The following CHD9 variants were observed in gnomAD, a reference collection of about 807,000 sequenced individuals.
CHD9 encodes ATP-dependent chromatin remodeler CHD9.
CHD9 carries 77 observed loss-of-function variants against 316.1 expected under a neutral mutation model. The ratio of observed to expected loss-of-function variants is 0.24; its 90% CI spans 0.20 to 0.29. The LOEUF (loss-of-function observed/expected upper bound fraction) is 0.29, where lower values mean the gene tolerates loss of function less well. Ranked by LOEUF, CHD9 falls within the 10% of genes least tolerant of loss-of-function variation. The probability of loss-of-function intolerance (pLI) is 1.00; values close to 1 mark genes in which losing one functional copy is unlikely to be tolerated. For missense variants in CHD9, 2,763 were observed against 3,438.1 expected, an observed-to-expected ratio of 0.80 and a Z score of 4.91; for synonymous variants, 1,129 against 1,158.3, an observed-to-expected ratio of 0.97 and a Z score of 0.51.
intron 38 of CHD9, among the ~76,000 whole-genome samples, chr16:53,322,794 T>C (rs1008227343): frequency 6.6e-6 from 1 of 152,116 alleles, no homozygotes; most frequent in Non-Finnish European, 1.5e-5. Flanking sequence ...TCTATTTTTT[T>C]TGTTTCAGAA....
At chr16:53,065,567 G>A (rs1481656806) in intron 1 of CHD9, among the ~76,000 whole-genome samples, 1 of 146,202 alleles carries the variant, frequency 6.8e-6, no homozygotes, top group East Asian at 2.1e-4. Context: ...CTGGGAGATT[G>A]AAGCTGCAGT....
At chr16:53,176,857 G>A (rs933877093) in intron 2 of CHD9, among the ~76,000 whole-genome samples, 2 of 152,196 alleles carry the variant, frequency 1.3e-5, no homozygotes, top group Admixed American at 6.5e-5. Context: ...CCATCCTGGT[G>A]CTTTGTGCCA....
intron 2 of CHD9, among the ~76,000 whole-genome samples, chr16:53,169,752 A>G (rs1018066316): frequency 6.6e-6 from 1 of 152,192 alleles, no homozygotes; most frequent in Non-Finnish European, 1.5e-5. Flanking sequence ...GACTTTTACC[A>G]CAACCAAGAA....
At chr16:53,093,389 G>C (rs995775918) in intron 1 of CHD9, among the ~76,000 whole-genome samples, 1 of 152,202 alleles carries the variant, frequency 6.6e-6, no homozygotes, top group African/African-American at 2.4e-5. Context: ...AGCACTATGC[G>C]TGGCACATAG....
chr16:53,059,995 A>C (rs1265656771), intron 1 of CHD9, among the ~76,000 whole-genome samples: 1 of 152,202 alleles, frequency 6.6e-6, no homozygotes, highest in East Asian at 1.9e-4. Context: ...AATTTCACAT[A>C]ATTTTTCTGT....
intron 29 of CHD9, among the ~76,000 whole-genome samples, chr16:53,295,536 G>A (rs769051751): frequency 1.3e-5 from 2 of 152,172 alleles, no homozygotes; most frequent in Non-Finnish European, 2.9e-5. Context: ...ATAAGATATT[G>A]TAATGAAATT....
At chr16:53,145,803 C>T (rs12051414) in intron 1 of CHD9, among the ~76,000 whole-genome samples, 3 of 152,018 alleles carry the variant, frequency 2.0e-5, no homozygotes, top group African/African-American at 7.2e-5. Flanking sequence ...AAGCTAGATT[C>T]TATAGCAGAG....
In CHD9 at chr16:53,314,805, T is replaced by G; in HGVS notation, c.7363-18T>G. The G allele has an allele frequency of 6.7e-7, 1 of 1,502,238 alleles. No homozygotes were observed. Among genetic ancestry groups the G allele is most frequent in the Non-Finnish European group, 9.2e-7 (1 of 1,088,756 alleles). The allele number at this position is 1,502,238 out of a possible 1,614,324, so 93.1% of individuals were successfully genotyped here. Reference sequence around the variant, plus strand: ...ATAAAGTATGAAAATAAAGATACCATTTGGTGTTTTTTTACAGGTTTCTTT... The same window carrying G: ...ATAAAGTATGAAAATAAAGATACCAGTTGGTGTTTTTTTACAGGTTTCTTT... On this transcript the variant is annotated intron_variant, in intron 35 of 38. Transcript: ENST00000447540.
chr16:53,077,730 A>C (rs2034666692), intron 1 of CHD9, among the ~76,000 whole-genome samples: 1 of 152,196 alleles, frequency 6.6e-6, no homozygotes, highest in Non-Finnish European at 1.5e-5. Context: ...TCACACACTT[A>C]TCTTTTTTTG....
In CHD9 at chr16:53,229,566, A is replaced by G. The variant is rs528006910; in HGVS notation, c.2286+466A>G. On this transcript the variant is annotated intron_variant, in intron 8 of 38. Transcript: ENST00000447540. ...GGTCTGATGTTCTTTCCTGCTCCAG[A>G]TTTTTCTAATAGACTCCTTTTGGAG... Among the ~76,000 whole-genome samples, 10 of 152,308 alleles carry G rather than the reference A, an allele frequency of 6.6e-5. No individual in the cohort carries two copies. The East Asian group carries it at 1.9e-3, about 29-fold the overall frequency.
At chr16:53,078,985 T>C (rs2034786751) in intron 1 of CHD9, among the ~76,000 whole-genome samples, 1 of 152,154 alleles carries the variant, frequency 6.6e-6, no homozygotes, top group African/African-American at 2.4e-5. Flanking sequence ...GAATATGGCA[T>C]TATGTCGTCT....
intron 1 of CHD9, among the ~76,000 whole-genome samples, chr16:53,072,768 C>T (rs1054721530): frequency 6.6e-6 from 1 of 151,902 alleles, no homozygotes; most frequent in Non-Finnish European, 1.5e-5. Flanking sequence ...AATCTTGGCT[C>T]ACTGCAAACT....
chr16:53,267,909 T>G lies in CHD9; in HGVS notation c.4518-18T>G, dbSNP rs377624340. The G allele has an allele frequency of 6.8e-6, 11 of 1,607,458 alleles. No homozygotes were observed. The highest frequency in any genetic ancestry group is 2.7e-5 in the African/African-American group (2 of 74,808). ...GAACTTGACTCAATATCAATGTAAC[T>G]ATACCTTTTTTAACCAGGTGGGGCC... On this transcript the variant is annotated intron_variant, in intron 21 of 38. Coordinates refer to ENST00000447540, the MANE Select transcript of CHD9 (RefSeq NM_001308319.2).
At chr16:53,249,242 G>C (rs1018124861) in intron 16 of CHD9, among the ~76,000 whole-genome samples, 1 of 152,144 alleles carries the variant, frequency 6.6e-6, no homozygotes, top group Non-Finnish European at 1.5e-5. Flanking sequence ...ATCATATGTA[G>C]AAGTGTGTCA....
At position 53,235,325 on chromosome 16, in the gene CHD9, T is replaced by TA. The variant is rs777940929; in HGVS notation, c.2633+27dup. 2.6e-5 allele frequency: 39 copies of TA among 1,491,982 alleles called. No individual in the cohort carries two copies. Among genetic ancestry groups the TA allele is most frequent in the African/African-American group, 8.6e-5 (6 of 70,130 alleles). 92.4% of individuals were successfully genotyped at this position (1,491,982 alleles called of 1,614,324 possible). A position where few individuals can be genotyped will look rare whatever the true frequency, so the allele number is the denominator to read the frequency against. ...ACAATAGGTATGTAGTATATCTTAATAAAAAAAATTTATTTTTTTAATGTG... is the reference window on the plus strand; with the variant it reads ...ACAATAGGTATGTAGTATATCTTAATAAAAAAAAATTTATTTTTTTAATGTG... On this transcript the variant is annotated intron_variant, in intron 11 of 38. Coordinates refer to ENST00000447540, the MANE Select transcript of CHD9 (RefSeq NM_001308319.2).
At chr16:53,227,347 A>G (rs1322444021) in intron 5 of CHD9, 49 bp from the exon 6 acceptor site, 3 of 1,269,920 alleles carry the variant, frequency 2.4e-6, no homozygotes, top group Non-Finnish European at 3.3e-6. Context: ...GGCAACTAAA[A>G]GATCTTTCAG....
intron 1 of CHD9, among the ~76,000 whole-genome samples, chr16:53,155,056 T>C (rs1673758112): frequency 6.6e-6 from 1 of 152,206 alleles, no homozygotes; most frequent in Non-Finnish European, 1.5e-5. Context: ...AACATTGTTA[T>C]AAGTTTCAAA....
chr16:53,212,417 A>C (rs1490431323), intron 3 of CHD9, among the ~76,000 whole-genome samples: 1 of 152,106 alleles, frequency 6.6e-6, no homozygotes, highest in African/African-American at 2.4e-5. Context: ...AAAAAAAAAA[A>C]AAATTTTTTT....
chr16:53,317,083 C>T (rs939209990), intron 36 of CHD9, among the ~76,000 whole-genome samples: 5 of 149,356 alleles, frequency 3.3e-5, no homozygotes, highest in Non-Finnish European at 5.9e-5. Flanking sequence ...GTAGTCCCAG[C>T]TACTCGAGAG....
Sources: gnomAD v4.1 joint callset for allele counts (sites outside exome capture counted in the v4.1 genomes callset) on GRCh38, gnomAD v4.1.1 for gene constraint, MANE v1.5 for transcripts, NCBI Gene and HGNC (gene_info 2026-07-23, HGNC 2026-07-21) for gene names.